MYOM2: variants seen among roughly 807,000 people sequenced by gnomAD.
MYOM2 encodes myomesin 2.
Under a neutral mutation model 187.6 loss-of-function variants are expected in MYOM2, and 254 were observed. The ratio of observed to expected loss-of-function variants is 1.35; its 90% confidence interval spans 1.22 to 1.50. MYOM2 has a LOEUF of 1.50. Among genes scored for constraint, MYOM2 ranks in the 40% most tolerant of loss-of-function variants. The pLI is 0.00. For missense variants in MYOM2, 2,796 were observed against 1,924.0 expected, an observed-to-expected ratio of 1.45 and a Z score of -8.48; for synonymous variants, 981 against 753.8, an observed-to-expected ratio of 1.30 and a Z score of -4.94.
At position 2,098,373 on chromosome 8, in the gene MYOM2, G is replaced by GC. The variant is rs1286251790; in HGVS notation, c.2314-481dup. 3.9e-5 allele frequency among the ~76,000 whole-genome samples: 6 copies of GC among 152,146 alleles called. No individual in the cohort carries two copies. In the East Asian group the frequency reaches 1.2e-3, roughly 29 times the overall value. ...CTGCAGCACCCCAGGGACATGGGCA[G>GC]CCCGGGGGCTCTTGTCATGCAGAGT... On this transcript the variant is annotated intron_variant, in intron 18 of 36. Transcript: ENST00000262113.
chr8:2,083,420 C>T (rs1231687315), intron 13 of MYOM2, among the ~76,000 whole-genome samples: 1 of 139,708 alleles, frequency 7.2e-6, no homozygotes, highest in Non-Finnish European at 1.6e-5. Flanking sequence ...CTCACGTGTG[C>T]TTAGCAGTAT....
chr8:2,122,707 C>A (rs1797498230), intron 28 of MYOM2, among the ~76,000 whole-genome samples: 1 of 152,206 alleles, frequency 6.6e-6, no homozygotes, highest in African/African-American at 2.4e-5. Context: ...GCTCATTTAT[C>A]TTCGGAGTTC....
intron 6 of MYOM2, among the ~76,000 whole-genome samples, chr8:2,067,599 C>T (rs1819059603): frequency 6.6e-6 from 1 of 152,188 alleles, no homozygotes; most frequent in Non-Finnish European, 1.5e-5. Flanking sequence ...CTTACCCCCT[C>T]TTGTCTCCAT....
intron 10 of MYOM2, among the ~76,000 whole-genome samples, chr8:2,074,699 C>A (rs981789198): frequency 6.6e-6 from 1 of 151,968 alleles, no homozygotes; most frequent in Non-Finnish European, 1.5e-5. Flanking sequence ...AAGTGATTGG[C>A]CCCCCAACTC....
In MYOM2 at chr8:2,094,061, T is replaced by C; in HGVS notation, c.2095T>C (p.Ser699Pro). The change falls in exon 17 of 37, where the codon TCA becomes CCA. Residue 699 changes from serine to proline, a missense_variant. Ser to Pro is a moderately conservative substitution (Grantham distance 74). Transcript: ENST00000262113. ...AVGMSENSQE[S>P]DVIKVQAALT... ...GGGGATGAGTGAAAATTCCCAGGAA[T>C]CAGACGTCATAAAAGTGCAGGCCGC... 6.2e-7 allele frequency: 1 copy of C among 1,614,134 alleles called. No homozygotes were observed. The highest frequency in any genetic ancestry group is 8.5e-7 in the Non-Finnish European group (1 of 1,180,030).
chr8:2,083,947 C>T (rs1057465332), intron 13 of MYOM2, among the ~76,000 whole-genome samples: 88 of 152,336 alleles, frequency 5.8e-4, no homozygotes, highest in African/African-American at 2.0e-3. Flanking sequence ...AAGACAGTTC[C>T]GAAAGTGTGA....
intron 13 of MYOM2, among the ~76,000 whole-genome samples, chr8:2,081,008 T>A (rs13252613): frequency 9.4e-3 from 405 of 42,866 alleles, no homozygotes; most frequent in Admixed American, 0.022. Flanking sequence ...TTGCAGAATG[T>A]GGTTTGGTTC....
chr8:2,137,927 C>A lies in MYOM2; in HGVS notation c.3801-2796C>A, dbSNP rs143235968. ...GGTCTCTGCACAGACGGGCTTCTTG[C>A]TGCTCCTCACACGCCACGGTTTGGG... On this transcript the variant is annotated intron_variant, in intron 32 of 36. Coordinates refer to ENST00000262113, the MANE Select transcript of MYOM2 (RefSeq NM_003970.4). 3.7e-3 allele frequency among the ~76,000 whole-genome samples: 566 copies of A among 152,324 alleles called. 3 individuals are homozygous for A. The highest frequency in any genetic ancestry group is 0.012 in the African/African-American group (517 of 41,584).
At chr8:2,141,291 T>G in intron 34 of MYOM2, 114 bp downstream of exon 34, 1 of 848,118 alleles carries the variant, frequency 1.2e-6, no homozygotes, top group Non-Finnish European at 1.9e-6. Context: ...AAAGAGCCAT[T>G]CCTGGGACAG....
At chr8:2,087,342 C>T (rs1401680748) in intron 14 of MYOM2, among the ~76,000 whole-genome samples, 5 of 152,118 alleles carry the variant, frequency 3.3e-5, no homozygotes, top group African/African-American at 9.7e-5. Context: ...GGAATGGAAA[C>T]GAACCATATT....
intron 6 of MYOM2, among the ~76,000 whole-genome samples, chr8:2,063,195 C>G (rs899899744): frequency 9.2e-5 from 14 of 152,322 alleles, no homozygotes; most frequent in Admixed American, 7.8e-4. Context: ...CAAATTACAG[C>G]TTGTCTCAGC....
Position 2,125,604 on chromosome 8 carries a change from CTTTTTTTTTTTT to C in MYOM2, c.3694+1398_3694+1409del, listed in dbSNP as rs35137852. Among the ~76,000 whole-genome samples the C allele has an allele frequency of 5.1e-3, 454 of 89,328 alleles. 4 individuals are homozygous for C. Among genetic ancestry groups the C allele is most frequent in the African/African-American group, 0.018 (423 of 23,818 alleles). 58.6% of individuals were successfully genotyped at this position (89,328 alleles called of 152,430 possible). On this transcript the variant is annotated intron_variant, in intron 31 of 36. Transcript: ENST00000262113. ...CATACGACTTTTAGGATTATTTTTC[CTTTTTTTTTTTT>C]TTTTTTTTTTGAGACGGAGTCTTTC...
chr8:2,131,759 T>G (rs1797880207), intron 32 of MYOM2, among the ~76,000 whole-genome samples: 1 of 150,538 alleles, frequency 6.6e-6, no homozygotes, highest in African/African-American at 2.4e-5. Context: ...TTCTCCTGCC[T>G]CAGCCTCCCA....
chr8:2,123,667 G>T, intron 30 of MYOM2, 25 bp downstream of exon 30: 1 of 1,596,600 alleles, frequency 6.3e-7, no homozygotes, highest in Non-Finnish European at 8.6e-7. Flanking sequence ...CCTTTGTTCT[G>T]TGAACAAGAA....
intron 27 of MYOM2, among the ~76,000 whole-genome samples, chr8:2,116,534 G>A (rs1346447515): frequency 1.3e-5 from 2 of 152,080 alleles, no homozygotes; most frequent in African/African-American, 2.4e-5. Context: ...TGGGGGTAGA[G>A]GAGGTGGTGG....
intron 34 of MYOM2, among the ~76,000 whole-genome samples, chr8:2,141,499 C>T (rs1298170632): frequency 6.6e-6 from 1 of 152,138 alleles, no homozygotes; most frequent in East Asian, 1.9e-4. Context: ...GGAGAATAAA[C>T]CTGAGTGGGG....
At chr8:2,143,573 C>G in intron 36 of MYOM2, 117 bp downstream of exon 36, 1 of 1,276,168 alleles carries the variant, frequency 7.8e-7, no homozygotes, top group Non-Finnish European at 1.1e-6. Context: ...CCTCACTCAG[C>G]CTGCAGGGAA....
Position 2,110,538 on chromosome 8 carries a change from G to A in MYOM2, c.3180+1007G>A, listed in dbSNP as rs182268289. Among the ~76,000 whole-genome samples, 335 of 152,228 alleles carry A rather than the reference G, an allele frequency of 2.2e-3. 2 individuals carry two copies. Among genetic ancestry groups the A allele is most frequent in the Middle Eastern group, 0.014 (4 of 294 alleles). ...GTTAAAGGACAGCCCTATTTCATGGGGACTTTATTGTTCAGTGGTGGCTTG... is the reference window on the plus strand; with the variant it reads ...GTTAAAGGACAGCCCTATTTCATGGAGACTTTATTGTTCAGTGGTGGCTTG... On this transcript the variant is annotated intron_variant, in intron 25 of 36. Transcript: ENST00000262113.
At chr8:2,142,254 C>A in intron 34 of MYOM2, 121 bp from the exon 35 acceptor site, 2 of 997,910 alleles carry the variant, frequency 2.0e-6, no homozygotes. Context: ...TAAGAGAATG[C>A]AAACGTATCT....
Sources: allele counts gnomAD v4.1 joint callset (sites outside exome capture counted in the v4.1 genomes callset), GRCh38; gene constraint gnomAD v4.1.1; transcripts MANE v1.5; gene names NCBI Gene and HGNC (gene_info 2026-07-23, HGNC 2026-07-21).